The following POLR2J variants were observed in gnomAD, a reference collection of about 807,000 sequenced individuals.
POLR2J encodes DNA-directed RNA polymerase II subunit RPB11-a.
A neutral mutation model predicts 13.4 loss-of-function variants in POLR2J; 12 were observed. That is an observed-to-expected ratio of 0.90 (90% confidence interval 0.57 to 1.45). The LOEUF (loss-of-function observed/expected upper bound fraction) is 1.45, where lower values mean the gene tolerates loss of function less well. Among genes scored for constraint, POLR2J ranks in the 40% most tolerant of loss-of-function variants. POLR2J has a pLI of 0.00. For missense variants in POLR2J, 58 were observed against 132.0 expected (o/e 0.44, Z 2.75); for synonymous variants, 31 against 53.6 (o/e 0.58, Z 1.84).
In POLR2J at chr7:102,473,255, C is replaced by T. The variant is rs1586747039; in HGVS notation, c.*394G>A. 3.1e-6 allele frequency: 2 copies of T among 655,616 alleles called. No individual in the cohort carries two copies. Among genetic ancestry groups the T allele is most frequent in the South Asian group, 2.1e-5 (1 of 47,844 alleles). 40.6% of individuals were successfully genotyped at this position (655,616 alleles called of 1,614,324 possible). A position where few individuals can be genotyped will look rare whatever the true frequency, so the allele number is the denominator to read the frequency against. ...GGCCCAGGAGTTGAGGCTTCTAGAGCAGAGACTCTTGGGAGCTCATGGGTT... is the reference window on the plus strand; with the variant it reads ...GGCCCAGGAGTTGAGGCTTCTAGAGTAGAGACTCTTGGGAGCTCATGGGTT... On this transcript the variant is annotated 3_prime_UTR_variant, in exon 4 of 4. Coordinates refer to ENST00000292614, the MANE Select transcript of POLR2J (RefSeq NM_006234.6).
In POLR2J at chr7:102,473,194, T is replaced by C. The variant is rs1017095044; in HGVS notation, c.*455A>G. 9 of 983,720 alleles carry C rather than the reference T, an allele frequency of 9.1e-6. No individual in the cohort carries two copies. Among genetic ancestry groups the C allele is most frequent in the Non-Finnish European group, 1.2e-5 (8 of 684,478 alleles). The allele number at this position is 983,720 out of a possible 1,614,324, so 60.9% of individuals were successfully genotyped here. On this transcript the variant is annotated 3_prime_UTR_variant, in exon 4 of 4. Transcript: ENST00000292614. ...GCCTGTGGAAAGGTGTTTCGAGTTA[T>C]GCAGGAAGAAGTGTTCCTGCTTTGA...
At chr7:102,473,765 C>CT in intron 3 of POLR2J, 81 bp from the exon 4 acceptor site, 1 of 1,583,426 alleles carries the variant, frequency 6.3e-7, no homozygotes, top group Non-Finnish European at 8.6e-7. Context: ...GCATCCCCCC[C>CT]GCCAGGCCCT....
chr7:102,475,193 C>T (rs1798392945), intron 2 of POLR2J, among the ~76,000 whole-genome samples: 2 of 152,238 alleles, frequency 1.3e-5, no homozygotes, highest in Non-Finnish European at 2.9e-5. Flanking sequence ...AGGAGTCCTC[C>T]ATCCCTGCGC....
At position 102,473,865 on chromosome 7, in the gene POLR2J, G is replaced by A. The variant is rs1038199677; in HGVS notation, c.319-181C>T. The A allele has an allele frequency of 5.5e-6, 8 of 1,442,682 alleles. No homozygotes were observed. In the Admixed American group the frequency reaches 2.0e-4, roughly 35 times the overall value. 89.4% of individuals were successfully genotyped at this position (1,442,682 alleles called of 1,614,324 possible). ...TGGCCCAATCCAGCCATTCTCTATG[G>A]CAGCCCCGGCAGGAGTCAGAGGCCC... On this transcript the variant is annotated intron_variant, in intron 3 of 3. Coordinates refer to ENST00000292614, the MANE Select transcript of POLR2J (RefSeq NM_006234.6).
rs1475829981 is a variant in POLR2J, at chr7:102,476,512, T to G, written c.54-242A>C. 2.0e-5 allele frequency among the ~76,000 whole-genome samples: 3 copies of G among 149,536 alleles called. No homozygotes were observed. In the East Asian group the frequency reaches 5.9e-4, roughly 29 times the overall value. ...AAAATTAGCTGAGTGTGGTGATCCATGCCTGTAGTCCTAGCTACTTGGGAG... is the reference window on the plus strand; with the variant it reads ...AAAATTAGCTGAGTGTGGTGATCCAGGCCTGTAGTCCTAGCTACTTGGGAG... On this transcript the variant is annotated intron_variant, in intron 1 of 3. Transcript: ENST00000292614.
chr7:102,475,021 G>T (rs1021326921), intron 2 of POLR2J, among the ~76,000 whole-genome samples: 5 of 151,332 alleles, frequency 3.3e-5, no homozygotes, highest in African/African-American at 7.3e-5. Flanking sequence ...GGGCTGCGTC[G>T]CGTACTGTGC....
Position 102,473,208 on chromosome 7 carries a change from T to G in POLR2J, c.*441A>C, listed in dbSNP as rs972941863. 1 of 884,538 alleles carries G rather than the reference T, an allele frequency of 1.1e-6. No individual in the cohort carries two copies. The highest frequency in any genetic ancestry group is 1.7e-5 in the African/African-American group (1 of 58,828). 54.8% of individuals were successfully genotyped at this position (884,538 alleles called of 1,614,324 possible). ...GTTTCGAGTTATGCAGGAAGAAGTG[T>G]TCCTGCTTTGACTGACAGGCAGGCC... is the stretch of plus-strand genomic sequence containing the variant. On this transcript the variant is annotated 3_prime_UTR_variant, in exon 4 of 4. Transcript: ENST00000292614.
rs1483288405 is a variant in POLR2J at position 102,478,890 on chromosome 7, A to G, written c.-30T>C. 13 of 1,610,004 alleles carry G rather than the reference A, an allele frequency of 8.1e-6. No homozygotes were observed. The highest frequency in any genetic ancestry group is 1.1e-5 in the South Asian group (1 of 90,976). On this transcript the variant is annotated 5_prime_UTR_variant, in exon 1 of 4. Transcript: ENST00000292614. The stretch of plus-strand genomic sequence containing the variant: ...CCGCCGCCGTTGCGTCCAGACCCCA[A>G]GGGTCCGCCGCCGCCGCCACCAGAG...
chr7:102,478,790 G>T lies in POLR2J; in HGVS notation c.53+18C>A. ...GCAGGCCCGCGCACCTCGGCCCGCCGCAGCCGGCGTCACTTACTTCTTCTC... is the reference window on the plus strand; with the variant it reads ...GCAGGCCCGCGCACCTCGGCCCGCCTCAGCCGGCGTCACTTACTTCTTCTC... On this transcript the variant is annotated intron_variant, in intron 1 of 3. Coordinates refer to ENST00000292614, the MANE Select transcript of POLR2J (RefSeq NM_006234.6). 5 of 1,610,292 alleles carry T rather than the reference G, an allele frequency of 3.1e-6. No homozygotes were observed. The highest frequency in any genetic ancestry group is 2.2e-5 in the South Asian group (2 of 90,956).
chr7:102,477,038 G>A (rs1256283548), intron 1 of POLR2J, among the ~76,000 whole-genome samples: 3 of 129,820 alleles, frequency 2.3e-5, no homozygotes, highest in African/African-American at 8.1e-5. Flanking sequence ...ACAACCAAAA[G>A]GTGAAGAAGA....
chr7:102,475,101 T>C (rs1315521949), intron 2 of POLR2J, among the ~76,000 whole-genome samples: 9 of 152,094 alleles, frequency 5.9e-5, no homozygotes, highest in African/African-American at 1.7e-4. Flanking sequence ...GACCCGTGCA[T>C]AGGTGGCAAC....
chr7:102,474,884 C>T (rs921365589), intron 2 of POLR2J, among the ~76,000 whole-genome samples: 18 of 149,702 alleles, frequency 1.2e-4, no homozygotes, highest in Admixed American at 3.4e-4. Context: ...AGAGCCTCCA[C>T]GCAGCAAATA....
rs1226537048 is a variant in POLR2J, at chr7:102,473,459, T to A, written c.*190A>T. On this transcript the variant is annotated 3_prime_UTR_variant, in exon 4 of 4. Transcript: ENST00000292614. Reference sequence around the variant, plus strand: ...CGCTGCTCAAGTCCACATCCAGGTCTCTCCCGCTATACTTTATTAGGAATA... The same window carrying A: ...CGCTGCTCAAGTCCACATCCAGGTCACTCCCGCTATACTTTATTAGGAATA... 3.0e-6 allele frequency: 2 copies of A among 662,918 alleles called. No homozygotes were observed. Among genetic ancestry groups the A allele is most frequent in the Middle Eastern group, 4.2e-4 (1 of 2,372 alleles). The allele number at this position is 662,918 out of a possible 1,614,324, so 41.1% of individuals were successfully genotyped here.
Position 102,473,307 on chromosome 7 carries a change from G to C in POLR2J, c.*342C>G, listed in dbSNP as rs1275636824. 1.8e-6 allele frequency: 1 copy of C among 570,336 alleles called. No homozygotes were observed. The highest frequency in any genetic ancestry group is 1.9e-5 in the African/African-American group (1 of 53,126). The allele number at this position is 570,336 out of a possible 1,614,324, so 35.3% of individuals were successfully genotyped here. A position where few individuals can be genotyped will look rare whatever the true frequency, so the allele number is the denominator to read the frequency against. ...GCACACTTCTCTCCGGCTCAGCACA[G>C]CCCCCGCAGCAGCCCCTGGACCCCG... On this transcript the variant is annotated 3_prime_UTR_variant, in exon 4 of 4. Transcript: ENST00000292614.
At position 102,473,142 on chromosome 7, in the gene POLR2J, T is replaced by G. The variant is rs376155179; in HGVS notation, c.*507A>C. 8.7e-5 allele frequency: 119 copies of G among 1,360,392 alleles called. 2 individuals carry two copies. The South Asian group carries it at 1.4e-3, about 16-fold the overall frequency. 84.3% of individuals were successfully genotyped at this position (1,360,392 alleles called of 1,614,324 possible). On this transcript the variant is annotated 3_prime_UTR_variant, in exon 4 of 4. Transcript: ENST00000292614. ...GGGGGGGGGTCTTTCAGTGAATATT[T>G]TTATTAAACTCTACTGTGGACAAGA...
rs1246236588 is a variant in POLR2J at position 102,473,655 on chromosome 7, A to G, written c.348T>C (p.Ile116=). The G allele has an allele frequency of 1.2e-6, 2 of 1,610,470 alleles. No individual in the cohort carries two copies. Among genetic ancestry groups the G allele is most frequent in the East Asian group, 2.3e-5 (1 of 44,316 alleles). Residue 116 remains isoleucine, a synonymous_variant, in exon 4 of 4, where the codon ATT becomes ATC. Coordinates refer to ENST00000292614, the MANE Select transcript of POLR2J (RefSeq NM_006234.6). ...RVAIKDKQEG[I]E ...GCAGAGCCCCCTCTGGCCCCTACTC[A>G]ATTCCTTCCTGCTTGTCTTTTATGG...
rs1463224049 is a variant in POLR2J, at chr7:102,477,966, C to G, written c.53+842G>C. ...AAGTGCCGGGATTAAAAGCGTGAAC[C>G]AGCGCACCTGGCCAGATCCCTTTTT... On this transcript the variant is annotated intron_variant, in intron 1 of 3. Coordinates refer to ENST00000292614, the MANE Select transcript of POLR2J (RefSeq NM_006234.6). Among the ~76,000 whole-genome samples the G allele has an allele frequency of 3.2e-5, 4 of 124,498 alleles. 1 individual carries two copies. The highest frequency in any genetic ancestry group is 7.0e-5 in the Non-Finnish European group (4 of 57,218). The allele number at this position is 124,498 out of a possible 152,430, so 81.7% of individuals were successfully genotyped here.
rs1186649566 is a variant in POLR2J, at chr7:102,477,628, T to G, written c.53+1180A>C. ...CCTTTGACAACCAATAATGTTCTGT[T>G]ATTGCCACATGTCCCTTGTGGGGCC... On this transcript the variant is annotated intron_variant, in intron 1 of 3. Transcript: ENST00000292614. Among the ~76,000 whole-genome samples, 2 of 21,326 alleles carry G rather than the reference T, an allele frequency of 9.4e-5. 1 individual carries two copies. Among genetic ancestry groups the G allele is most frequent in the African/African-American group, 1.4e-4 (2 of 13,902 alleles). 14.0% of individuals were successfully genotyped at this position (21,326 alleles called of 152,430 possible). A position where few individuals can be genotyped will look rare whatever the true frequency, so the allele number is the denominator to read the frequency against.
chr7:102,473,336 CT>C lies in POLR2J; in HGVS notation c.*312del. The C allele has an allele frequency of 1.8e-6, 1 of 566,160 alleles. No homozygotes were observed. The highest frequency in any genetic ancestry group is 3.1e-5 in the East Asian group (1 of 31,972). 35.1% of individuals were successfully genotyped at this position (566,160 alleles called of 1,614,324 possible). A position where few individuals can be genotyped will look rare whatever the true frequency, so the allele number is the denominator to read the frequency against. ...CCGCAGCAGCCCCTGGACCCCGGAT[CT>C]TTGGTCCAGAATGAATTCATCCCTG... On this transcript the variant is annotated 3_prime_UTR_variant, in exon 4 of 4. Coordinates refer to ENST00000292614, the MANE Select transcript of POLR2J (RefSeq NM_006234.6).
Sources: gnomAD v4.1 joint callset for allele counts (sites outside exome capture counted in the v4.1 genomes callset) on GRCh38, gnomAD v4.1.1 for gene constraint, MANE v1.5 for transcripts, NCBI Gene and HGNC (gene_info 2026-07-23, HGNC 2026-07-21) for gene names.